The following PCTP variants were observed in gnomAD, a reference collection of about 807,000 sequenced individuals.
The protein encoded by PCTP is phosphatidylcholine transfer protein, also known as START domain-containing protein 2.
PCTP carries 27 observed loss-of-function variants against 31.0 expected under a neutral mutation model. The ratio of observed to expected loss-of-function variants is 0.87; its 90% CI spans 0.64 to 1.20. The LOEUF is 1.20. Among genes scored for constraint, PCTP ranks in the 50% most tolerant of loss-of-function variants. The pLI is 0.00. For synonymous variants in PCTP, 108 were observed against 101.2 expected, an observed-to-expected ratio of 1.07 and a Z score of -0.40; for missense variants, 287 against 268.2, an observed-to-expected ratio of 1.07 and a Z score of -0.49.
intron 1 of PCTP, among the ~76,000 whole-genome samples, chr17:55,761,497 A>T (rs934014852): frequency 6.7e-6 from 1 of 149,210 alleles, no homozygotes; most frequent in African/African-American, 2.4e-5. Context: ...ATATAAAAAT[A>T]TATATACCTA....
At chr17:55,833,816 G>C (rs1177808802) in intron 5 of PCTP, among the ~76,000 whole-genome samples, 1 of 151,892 alleles carries the variant, frequency 6.6e-6, no homozygotes, top group Non-Finnish European at 1.5e-5. Flanking sequence ...GCCTTTTTTT[G>C]CCGTTCCTTA....
chr17:55,797,041 A>G (rs1912209454), intron 3 of PCTP, among the ~76,000 whole-genome samples: 1 of 151,966 alleles, frequency 6.6e-6, no homozygotes, highest in South Asian at 2.1e-4. Flanking sequence ...AATGGATAGT[A>G]GAAAAGGAAG....
At chr17:55,789,655 C>A (rs915737934) in intron 3 of PCTP, among the ~76,000 whole-genome samples, 2 of 152,158 alleles carry the variant, frequency 1.3e-5, no homozygotes, top group African/African-American at 4.8e-5. Context: ...ATTCTCACTG[C>A]ACCGTGTTAT....
intron 1 of PCTP, among the ~76,000 whole-genome samples, chr17:55,752,759 A>T (rs1287805797): frequency 6.6e-6 from 1 of 152,174 alleles, no homozygotes; most frequent in African/African-American, 2.4e-5. Flanking sequence ...CACTCAACAA[A>T]CTCTGAATGC....
chr17:55,754,845 G>T (rs572948600), intron 1 of PCTP, among the ~76,000 whole-genome samples: 3 of 152,244 alleles, frequency 2.0e-5, no homozygotes, highest in African/African-American at 4.8e-5. Context: ...GTGTGCGCGC[G>T]TGTGTGTATT....
intron 1 of PCTP, among the ~76,000 whole-genome samples, chr17:55,761,707 C>T (rs1455981272): frequency 4.0e-5 from 6 of 151,124 alleles, no homozygotes; most frequent in Admixed American, 1.3e-4. Context: ...GGGTCTTGTA[C>T]GCATTTGTGC....
chr17:55,775,741 T>G, intron 5 of PCTP: 1 of 1,258,468 alleles, frequency 7.9e-7, no homozygotes, highest in South Asian at 3.1e-5. Context: ...CAAGCCCATT[T>G]CTTGTGTTTT....
chr17:55,762,910 A>T (rs1229387396), intron 1 of PCTP, among the ~76,000 whole-genome samples: 1 of 152,238 alleles, frequency 6.6e-6, no homozygotes, highest in Non-Finnish European at 1.5e-5. Flanking sequence ...TGGCAGTTGC[A>T]TTCTGTACAT....
At chr17:55,830,658 C>T (rs1050364155) in intron 5 of PCTP, among the ~76,000 whole-genome samples, 5 of 152,150 alleles carry the variant, frequency 3.3e-5, no homozygotes, top group African/African-American at 1.2e-4. Context: ...ACTGCAATTA[C>T]ACTGTAGAAA....
intron 3 of PCTP, among the ~76,000 whole-genome samples, chr17:55,808,565 A>AG (rs1912648553): frequency 6.6e-6 from 1 of 152,214 alleles, no homozygotes; most frequent in Non-Finnish European, 1.5e-5. Flanking sequence ...AATTATGAGA[A>AG]GCACATGTGG....
intron 3 of PCTP, among the ~76,000 whole-genome samples, chr17:55,819,010 C>CAAAAAAAAA (rs56823756): frequency 1.6e-3 from 82 of 51,106 alleles, no homozygotes; most frequent in African/African-American, 2.9e-3. Context: ...GGAAAGAAAT[C>CAAAAAAAAA]AAAAAAAAAA....
chr17:55,814,397 C>T (rs1193634844), intron 3 of PCTP, among the ~76,000 whole-genome samples: 1 of 152,226 alleles, frequency 6.6e-6, no homozygotes, highest in Non-Finnish European at 1.5e-5. Flanking sequence ...AAAAAATGCA[C>T]TAACCAGCTG....
chr17:55,845,741 T>C (rs1478775400), downstream of PCTP, among the ~76,000 whole-genome samples: 1 of 151,978 alleles, frequency 6.6e-6, no homozygotes, highest in Non-Finnish European at 1.5e-5. Flanking sequence ...ACCCCGGGCG[T>C]GTGAGGGCCG....
intron 3 of PCTP, among the ~76,000 whole-genome samples, chr17:55,808,544 T>C (rs1269622851): frequency 1.3e-5 from 2 of 152,234 alleles, no homozygotes; most frequent in East Asian, 3.8e-4. Context: ...GGCCTTCTTA[T>C]GCTTTATTGC....
intron 3 of PCTP, among the ~76,000 whole-genome samples, chr17:55,819,183 C>A (rs373722570): frequency 4.6e-5 from 7 of 152,136 alleles, no homozygotes; most frequent in African/African-American, 1.4e-4. Context: ...TGTTTATGAA[C>A]AAACCACAGC....
At chr17:55,769,737 A>T (rs1910875869) in intron 2 of PCTP, 1 of 152,236 alleles carries the variant, frequency 6.6e-6, no homozygotes, top group Non-Finnish European at 1.5e-5. Flanking sequence ...CTCTGGACAG[A>T]TCTGCCATCC....
chr17:55,776,330 C>T lies in PCTP; in HGVS notation c.*230C>T. On this transcript the variant is annotated 3_prime_UTR_variant, in exon 6 of 6. Coordinates refer to ENST00000268896, the MANE Select transcript of PCTP (RefSeq NM_021213.4). ...GCTCACTCGTCTGCTTCCTTTCTCG[C>T]TCCCCCCATCCTGGGCTGGGCTGCC... The T allele has an allele frequency of 1.5e-6, 2 of 1,359,764 alleles. No homozygotes were observed. Among genetic ancestry groups the T allele is most frequent in the South Asian group, 4.0e-5 (2 of 50,050 alleles). 84.2% of individuals were successfully genotyped at this position (1,359,764 alleles called of 1,614,324 possible).
At chr17:55,784,206 G>A (rs1231568011) in intron 2 of PCTP, among the ~76,000 whole-genome samples, 1 of 152,160 alleles carries the variant, frequency 6.6e-6, no homozygotes, top group Non-Finnish European at 1.5e-5. Flanking sequence ...TGTGAGCTGG[G>A]ATTAACTGAC....
chr17:55,788,158 A>G (rs887101174), intron 3 of PCTP, among the ~76,000 whole-genome samples: 1 of 152,202 alleles, frequency 6.6e-6, no homozygotes, highest in Non-Finnish European at 1.5e-5. Flanking sequence ...GTACTTGTGT[A>G]ATTGATTACC....
Sources: gnomAD v4.1 joint callset for allele counts (sites outside exome capture counted in the v4.1 genomes callset) on GRCh38, gnomAD v4.1.1 for gene constraint, MANE v1.5 for transcripts, NCBI Gene and HGNC (gene_info 2026-07-23, HGNC 2026-07-21) for gene names.